The following FHIT variants were observed in gnomAD, a reference collection of about 807,000 sequenced individuals.
FHIT encodes the protein bis(5'-adenosyl)-triphosphatase.
In FHIT, 19 loss-of-function variants were observed where a neutral mutation model predicts 17.9. That is an observed-to-expected ratio of 1.06 (90% CI 0.74 to 1.56). FHIT has a LOEUF of 1.56. Among genes scored for constraint, FHIT ranks in the 40% most tolerant of loss-of-function variants. The pLI is 0.00. For synonymous variants in FHIT, 81 were observed against 69.7 expected (o/e 1.16, Z -0.81); for missense variants, 248 against 189.2 (o/e 1.31, Z -1.82).
At chr3:60,743,605 G>A (rs1467896894) in intron 4 of FHIT, among the ~76,000 whole-genome samples, 1 of 152,204 alleles carries the variant, frequency 6.6e-6, no homozygotes, top group Non-Finnish European at 1.5e-5. Flanking sequence ...GAAAACATCA[G>A]AAATTCTGAG....
chr3:60,764,775 A>G (rs1009580718), intron 4 of FHIT, among the ~76,000 whole-genome samples: 2 of 150,708 alleles, frequency 1.3e-5, no homozygotes, highest in African/African-American at 4.9e-5. Context: ...TATAATTAAT[A>G]TATAATAAAT....
chr3:61,119,220 GTAA>G (rs1217036059), intron 2 of FHIT, among the ~76,000 whole-genome samples: 3 of 151,524 alleles, frequency 2.0e-5, no homozygotes, highest in Non-Finnish European at 4.4e-5. Flanking sequence ...TACTGTGATA[GTAA>G]TTTTTTTTTT....
At chr3:61,062,113 G>C (rs762674094) in intron 2 of FHIT, among the ~76,000 whole-genome samples, 1 of 151,950 alleles carries the variant, frequency 6.6e-6, no homozygotes, top group Non-Finnish European at 1.5e-5. Context: ...TACAGAATAC[G>C]TTACTAGACA....
chr3:59,849,578 A>G (rs1046799146), intron 8 of FHIT, among the ~76,000 whole-genome samples: 1 of 152,156 alleles, frequency 6.6e-6, no homozygotes, highest in African/African-American at 2.4e-5. Context: ...ACAGACACAG[A>G]TGAAATCTGG....
intron 3 of FHIT, among the ~76,000 whole-genome samples, chr3:60,997,578 A>T (rs2030764557): frequency 6.6e-6 from 1 of 152,086 alleles, no homozygotes; most frequent in Admixed American, 6.5e-5. Flanking sequence ...CAGTGTTCCC[A>T]CCACTCCCTA....
chr3:59,934,031 A>G (rs1296843628), intron 7 of FHIT, among the ~76,000 whole-genome samples: 1 of 152,136 alleles, frequency 6.6e-6, no homozygotes, highest in Non-Finnish European at 1.5e-5. Context: ...AAAAACCTCA[A>G]GCATGCTAGA....
chr3:61,233,807 C>T (rs1335763665), intron 1 of FHIT, among the ~76,000 whole-genome samples: 2 of 152,208 alleles, frequency 1.3e-5, no homozygotes, highest in Non-Finnish European at 2.9e-5. Context: ...TGAATACAAA[C>T]ATGATGCTTG....
chr3:60,969,711 T>A (rs1709913103), intron 3 of FHIT, among the ~76,000 whole-genome samples: 1 of 152,194 alleles, frequency 6.6e-6, no homozygotes, highest in South Asian at 2.1e-4. Context: ...GTTTAAAGCC[T>A]TTGACATTTG....
intron 4 of FHIT, among the ~76,000 whole-genome samples, chr3:60,744,374 C>A (rs1386616693): frequency 6.6e-6 from 1 of 151,656 alleles, no homozygotes; most frequent in Non-Finnish European, 1.5e-5. Context: ...AGGCAGATAG[C>A]ATGCAGACAA....
chr3:60,261,488 G>A (rs894994430), intron 5 of FHIT, among the ~76,000 whole-genome samples: 2 of 152,070 alleles, frequency 1.3e-5, no homozygotes, highest in South Asian at 4.2e-4. Flanking sequence ...GGAGTTTATG[G>A]TAAGGGAGTC....
intron 1 of FHIT, among the ~76,000 whole-genome samples, chr3:61,249,445 C>T (rs1201420620): frequency 6.6e-6 from 1 of 152,162 alleles, no homozygotes; most frequent in African/African-American, 2.4e-5. Context: ...TATCTAAGTA[C>T]AGAGGCAGCA....
chr3:61,149,103 C>T (rs1576106666), intron 2 of FHIT, among the ~76,000 whole-genome samples: 2 of 152,314 alleles, frequency 1.3e-5, no homozygotes, highest in East Asian at 3.9e-4. Context: ...GTAAACCTCT[C>T]AAATAATTAA....
intron 5 of FHIT, among the ~76,000 whole-genome samples, chr3:60,448,797 C>G (rs1218088611): frequency 6.6e-6 from 1 of 152,104 alleles, no homozygotes; most frequent in Non-Finnish European, 1.5e-5. Flanking sequence ...ATGATTCTTC[C>G]CTACTACATC....
rs148965907 is a variant in FHIT, at chr3:60,174,525, A to C, written c.104-160373T>G. On this transcript the variant is annotated intron_variant, in intron 5 of 9. Transcript: ENST00000492590. The stretch of plus-strand genomic sequence containing the variant: ...TGGAAAAAAAGTCTATTATTTTTAT[A>C]CTAGTGTTACAAAACAGAAGTTCAG... Among the ~76,000 whole-genome samples, 754 of 152,274 alleles carry C rather than the reference A, an allele frequency of 5.0e-3. 4 individuals carry two copies. The highest frequency in any genetic ancestry group is 0.017 in the African/African-American group (710 of 41,564).
In FHIT at chr3:60,894,682, A is replaced by C. The variant is rs574033777; in HGVS notation, c.-110-72671T>G. Among the ~76,000 whole-genome samples the C allele has an allele frequency of 3.3e-5, 5 of 152,254 alleles. No homozygotes were observed. In the South Asian group the frequency reaches 8.3e-4, roughly 25 times the overall value. The stretch of plus-strand genomic sequence containing the variant: ...TTTTAGTATTCAAAACAAAACAAAA[A>C]AAAACAAACAAAAAAACAAAAAACA... On this transcript the variant is annotated intron_variant, in intron 3 of 9. Transcript: ENST00000492590.
chr3:59,757,610 C>T (rs963964722), intron 8 of FHIT, among the ~76,000 whole-genome samples: 1 of 152,244 alleles, frequency 6.6e-6, no homozygotes. Context: ...TTGGAACGAA[C>T]CTGGAGTAAA....
At chr3:60,807,695 G>A (rs17064028) in intron 4 of FHIT, among the ~76,000 whole-genome samples, 11,713 of 152,180 alleles carry the variant, frequency 0.077, 507 homozygotes, top group Non-Finnish European at 0.083. Flanking sequence ...CAAAGTGATC[G>A]ATTGTCACCA....
intron 3 of FHIT, among the ~76,000 whole-genome samples, chr3:60,864,592 G>A (rs782502485): frequency 3.9e-5 from 6 of 152,102 alleles, no homozygotes; most frequent in Non-Finnish European, 5.9e-5. Flanking sequence ...ACAGGGCTCT[G>A]TATTGGCAAG....
chr3:61,216,007 G>C (rs1031806152), intron 1 of FHIT, among the ~76,000 whole-genome samples: 105 of 152,234 alleles, frequency 6.9e-4, no homozygotes, highest in African/African-American at 2.5e-3. Flanking sequence ...ATGCATTAAA[G>C]ACTTAAACAT....
Sources: allele counts gnomAD v4.1 joint callset (sites outside exome capture counted in the v4.1 genomes callset), GRCh38; gene constraint gnomAD v4.1.1; transcripts MANE v1.5; gene names NCBI Gene and HGNC (gene_info 2026-07-23, HGNC 2026-07-21).